EPHX2: variants seen among roughly 807,000 people sequenced by gnomAD.
The protein encoded by EPHX2 is epoxide hydrolase 2, also known as bifunctional epoxide hydrolase 2.
Under a neutral mutation model 78.7 loss-of-function variants are expected in EPHX2, and 74 were observed. That is an observed-to-expected ratio of 0.94 (90% CI 0.78 to 1.14). The LOEUF (loss-of-function observed/expected upper bound fraction) is 1.14, where lower values mean the gene tolerates loss of function less well. Among genes scored for constraint, EPHX2 ranks in the 50% most tolerant of loss-of-function variants. The probability of loss-of-function intolerance (pLI) is 0.00; values close to 1 mark genes in which losing one functional copy is unlikely to be tolerated. For synonymous variants in EPHX2, 251 were observed against 255.2 expected, an observed-to-expected ratio of 0.98 and a Z score of 0.16; for missense variants, 715 against 702.5, an observed-to-expected ratio of 1.02 and a Z score of -0.20.
At chr8:27,531,932 A>G (rs950525875) in intron 12 of EPHX2, among the ~76,000 whole-genome samples, 2 of 152,186 alleles carry the variant, frequency 1.3e-5, no homozygotes, top group African/African-American at 4.8e-5. Flanking sequence ...TAGGTGACTG[A>G]CAGTGCCGCC....
Position 27,515,672 on chromosome 8 carries a change from T to C in EPHX2, c.736-46T>C, listed in dbSNP as rs374971233. 3.2e-6 allele frequency: 5 copies of C among 1,551,472 alleles called. No individual in the cohort carries two copies. In the African/African-American group the frequency reaches 6.8e-5, roughly 21 times the overall value. On this transcript the variant is annotated intron_variant, in intron 6 of 18. Coordinates refer to ENST00000521400, the MANE Select transcript of EPHX2 (RefSeq NM_001979.6). ...CAGACGCTGTGGGGCCTGGGTCCAC[T>C]GGGCCTGGTGCTTGGTCGCTGCCCT...
intron 12 of EPHX2, among the ~76,000 whole-genome samples, chr8:27,530,766 T>TTG (rs1563358495): frequency 1.3e-5 from 2 of 149,182 alleles, no homozygotes; most frequent in Non-Finnish European, 3.0e-5. Flanking sequence ...TTTTTTCTTT[T>TTG]TTTTTTTTTT....
intron 12 of EPHX2, among the ~76,000 whole-genome samples, chr8:27,534,061 C>T (rs1455574791): frequency 6.6e-6 from 1 of 152,184 alleles, no homozygotes; most frequent in Non-Finnish European, 1.5e-5. Context: ...AGAATGATGA[C>T]CGACAGCCAC....
intron 7 of EPHX2, 113 bp downstream of exon 7, chr8:27,515,926 C>A: frequency 1.1e-6 from 1 of 937,422 alleles, no homozygotes; most frequent in Non-Finnish European, 1.7e-6. Flanking sequence ...GGAGCATTGT[C>A]TCCAAAGTGT....
At chr8:27,497,791 G>T (rs1392158619) in intron 1 of EPHX2, among the ~76,000 whole-genome samples, 8 of 152,168 alleles carry the variant, frequency 5.3e-5, no homozygotes, top group Non-Finnish European at 1.2e-4. Flanking sequence ...TAATTCATGG[G>T]CTTTTTCCTA....
intron 10 of EPHX2, 78 bp downstream of exon 10, chr8:27,520,987 G>A: frequency 5.7e-6 from 9 of 1,585,428 alleles, no homozygotes; most frequent in Middle Eastern, 1.7e-4. Flanking sequence ...CGTCAGCCTC[G>A]AGCAGAGGTG....
At chr8:27,527,393 T>C (rs1814884155) in intron 12 of EPHX2, among the ~76,000 whole-genome samples, 1 of 152,192 alleles carries the variant, frequency 6.6e-6, no homozygotes, top group African/African-American at 2.4e-5. Context: ...GTAAAACACA[T>C]GTAATGTAAA....
chr8:27,544,445 C>G lies in EPHX2; in HGVS notation c.1591C>G (p.Pro531Ala). ...CTTTTACTTCTCCCTTTCCCCCAGG[C>G]CAACCGAGGTGAATCAGATCCTCAT... ...DCGHWTQMDK[P>A]TEVNQILIKW... The change falls in exon 19 of 19, where the codon CCA becomes GCA. Residue 531 changes from proline to alanine, a missense_variant and splice_region_variant. Pro to Ala is a conservative substitution (Grantham distance 27). Coordinates refer to ENST00000521400, the MANE Select transcript of EPHX2 (RefSeq NM_001979.6). 3 of 1,614,036 alleles carry G rather than the reference C, an allele frequency of 1.9e-6. No homozygotes were observed. Among genetic ancestry groups the G allele is most frequent in the Non-Finnish European group, 2.5e-6 (3 of 1,180,016 alleles).
chr8:27,504,857 C>A, intron 3 of EPHX2, 99 bp from the exon 4 acceptor site: 1 of 1,279,016 alleles, frequency 7.8e-7, no homozygotes, highest in Non-Finnish European at 1.1e-6. Context: ...AAAGTGAGCA[C>A]AACCTGCTTG....
At chr8:27,507,897 C>T (rs62504280) in intron 5 of EPHX2, among the ~76,000 whole-genome samples, 19,147 of 152,132 alleles carry the variant, frequency 0.13, 1,379 homozygotes, top group African/African-American at 0.21. Flanking sequence ...TAACTTCCTC[C>T]TTTTATGAGG....
intron 13 of EPHX2, among the ~76,000 whole-genome samples, 198 bp from the exon 14 acceptor site, chr8:27,538,461 G>A (rs141211182): frequency 3.9e-5 from 6 of 152,322 alleles, no homozygotes; most frequent in Non-Finnish European, 7.3e-5. Context: ...CTTGACTTCT[G>A]TGAGGGGGTC....
intron 12 of EPHX2, among the ~76,000 whole-genome samples, chr8:27,528,965 T>C (rs1814940914): frequency 6.6e-6 from 1 of 152,066 alleles, no homozygotes. Flanking sequence ...CTGGCTAATT[T>C]TTGCATTTTT....
Position 27,525,426 on chromosome 8 carries a change from A to G in EPHX2, c.1123A>G (p.Ile375Val), listed in dbSNP as rs1451734032. ...ANPNMSPLES[I>V]KANPVFDYQL... Reference sequence around the variant, plus strand: ...TCCCAACATGTCCCCTTTGGAGAGTATCAAAGCCAACCCAGTATTTGATTA... The same window carrying G: ...TCCCAACATGTCCCCTTTGGAGAGTGTCAAAGCCAACCCAGTATTTGATTA... The change falls in exon 12 of 19, where the codon ATC (isoleucine) becomes GTC (valine). Residue 375 changes from isoleucine to valine, a missense_variant. Transcript: ENST00000521400. The G allele has an allele frequency of 6.2e-7, 1 of 1,614,030 alleles. No individual in the cohort carries two copies. The highest frequency in any genetic ancestry group is 1.3e-5 in the African/African-American group (1 of 74,898).
chr8:27,535,634 C>A (rs181037341), intron 12 of EPHX2, among the ~76,000 whole-genome samples: 255 of 152,256 alleles, frequency 1.7e-3, no homozygotes, highest in African/African-American at 5.5e-3. Flanking sequence ...CTCCAAAAAG[C>A]CATGAACCAG....
At chr8:27,515,931 A>G in intron 7 of EPHX2, 118 bp downstream of exon 7, 6 of 897,660 alleles carry the variant, frequency 6.7e-6, no homozygotes, top group Non-Finnish European at 1.1e-5. Flanking sequence ...ATTGTCTCCA[A>G]AGTGTGACCA....
chr8:27,539,671 G>A (rs760203383), intron 14 of EPHX2, among the ~76,000 whole-genome samples: 5 of 152,206 alleles, frequency 3.3e-5, no homozygotes, highest in African/African-American at 4.8e-5. Context: ...CCAGACACAC[G>A]AAGCAGGGTG....
chr8:27,538,752 C>G (rs1052638910), intron 14 of EPHX2, 60 bp downstream of exon 14: 3 of 1,559,394 alleles, frequency 1.9e-6, no homozygotes, highest in African/African-American at 2.7e-5. Flanking sequence ...AGGGATGTTT[C>G]TGTCTCTGAC....
intron 14 of EPHX2, 40 bp downstream of exon 14, chr8:27,538,732 T>G: frequency 6.2e-7 from 1 of 1,604,106 alleles, no homozygotes. Context: ...TGGAACCAGC[T>G]GAATGTTAAA....
intron 9 of EPHX2, among the ~76,000 whole-genome samples, chr8:27,518,277 T>G (rs765843159): frequency 6.6e-6 from 1 of 152,170 alleles, no homozygotes; most frequent in Non-Finnish European, 1.5e-5. Flanking sequence ...TCCAAGCAAC[T>G]GACAGAAGAG....
Sources: gnomAD v4.1 joint callset for allele counts (sites outside exome capture counted in the v4.1 genomes callset) on GRCh38, gnomAD v4.1.1 for gene constraint, MANE v1.5 for transcripts, NCBI Gene and HGNC (gene_info 2026-07-23, HGNC 2026-07-21) for gene names.